The following SRGAP3 variants were observed in gnomAD, a reference collection of about 807,000 sequenced individuals.
The protein encoded by SRGAP3 is SLIT-ROBO Rho GTPase-activating protein 3.
In SRGAP3, 39 loss-of-function variants were observed where a neutral mutation model predicts 121.1. The ratio of observed to expected loss-of-function variants is 0.32; its 90% CI spans 0.25 to 0.42. SRGAP3 has a LOEUF of 0.42. Among genes scored for constraint, SRGAP3 ranks in the 10% least tolerant of loss-of-function variants. The probability of loss-of-function intolerance (pLI) is 1.00; values close to 1 mark genes in which losing one functional copy is unlikely to be tolerated. For synonymous variants in SRGAP3, 601 were observed against 570.0 expected, an observed-to-expected ratio of 1.05 and a Z score of -0.77; for missense variants, 1,213 against 1,470.6, an observed-to-expected ratio of 0.82 and a Z score of 2.86.
intron 3 of SRGAP3, among the ~76,000 whole-genome samples, chr3:9,288,317 T>C (rs1459228159): frequency 6.6e-6 from 1 of 151,752 alleles, no homozygotes; most frequent in South Asian, 2.1e-4. Context: ...TTCATATTTT[T>C]AGTAGAGACG....
chr3:9,301,431 T>C (rs568750991), intron 3 of SRGAP3, among the ~76,000 whole-genome samples: 6 of 152,176 alleles, frequency 3.9e-5, no homozygotes, highest in Non-Finnish European at 8.8e-5. Context: ...ATGGCTAACT[T>C]AGCTTTAATG....
At chr3:9,346,705 G>A (rs1049841518) in intron 1 of SRGAP3, among the ~76,000 whole-genome samples, 1 of 151,326 alleles carries the variant, frequency 6.6e-6, no homozygotes, top group Non-Finnish European at 1.5e-5. Flanking sequence ...AAGATGATCA[G>A]ATGTTTCAAG....
chr3:9,315,360 A>G (rs1477647967), intron 3 of SRGAP3, among the ~76,000 whole-genome samples: 1 of 152,080 alleles, frequency 6.6e-6, no homozygotes, highest in African/African-American at 2.4e-5. Context: ...CCCTCCTTAA[A>G]CCAATCACTC....
chr3:9,085,984 A>G (rs1947451654), intron 3 of SRGAP3, among the ~76,000 whole-genome samples: 1 of 152,204 alleles, frequency 6.6e-6, no homozygotes, highest in African/African-American at 2.4e-5. Context: ...AAATTTTAAA[A>G]AAGCTCCCCA....
chr3:9,168,006 A>T (rs1187716072), intron 1 of SRGAP3, among the ~76,000 whole-genome samples: 4 of 152,190 alleles, frequency 2.6e-5, no homozygotes, highest in Non-Finnish European at 4.4e-5. Flanking sequence ...TTTCACAGAC[A>T]TTAGCTCCTT....
At position 9,258,837 on chromosome 3, in the gene SRGAP3, C is replaced by G. The variant is rs1274681925; in HGVS notation, n.442+67173G>C. Among the ~76,000 whole-genome samples the G allele has an allele frequency of 3.9e-5, 6 of 152,208 alleles. No individual in the cohort carries two copies. In the East Asian group the frequency reaches 1.2e-3, roughly 29 times the overall value. On this transcript the variant is annotated intron_variant and non_coding_transcript_variant, in intron 3 of 3. Transcript: ENST00000490889. The stretch of plus-strand genomic sequence containing the variant: ...CAGCTTTAGAGCTCCCTGCTGGTCC[C>G]TCTGTCTCTGATCGTGCCTCCCTCC...
chr3:9,072,158 T>C (rs1946752886), intron 4 of SRGAP3, among the ~76,000 whole-genome samples: 1 of 152,188 alleles, frequency 6.6e-6, no homozygotes, highest in African/African-American at 2.4e-5. Flanking sequence ...TCAGGAGCAG[T>C]GCTGACTGGG....
At chr3:9,134,945 C>T (rs1426761379) in intron 1 of SRGAP3, among the ~76,000 whole-genome samples, 1 of 152,186 alleles carries the variant, frequency 6.6e-6, no homozygotes, top group Non-Finnish European at 1.5e-5. Context: ...TTTCCTCTGT[C>T]AAATGGGGAT....
At chr3:9,186,593 T>C (rs1201915501) in intron 1 of SRGAP3, among the ~76,000 whole-genome samples, 1 of 152,132 alleles carries the variant, frequency 6.6e-6, no homozygotes, top group Non-Finnish European at 1.5e-5. Context: ...TCGCCCATCT[T>C]GTAGATAGGG....
intron 18 of SRGAP3, among the ~76,000 whole-genome samples, chr3:9,002,251 T>C (rs948195373): frequency 6.6e-6 from 1 of 152,286 alleles, no homozygotes; most frequent in Middle Eastern, 3.4e-3. Context: ...ATTTCTTCTA[T>C]AGAAGAAGTT....
At chr3:9,174,682 C>T (rs1049231200) in intron 1 of SRGAP3, among the ~76,000 whole-genome samples, 1 of 152,204 alleles carries the variant, frequency 6.6e-6, no homozygotes, top group African/African-American at 2.4e-5. Context: ...TGACCTTGCC[C>T]GTTCTCACCA....
At chr3:9,306,381 G>A (rs1301892095) in intron 3 of SRGAP3, among the ~76,000 whole-genome samples, 1 of 152,062 alleles carries the variant, frequency 6.6e-6, no homozygotes, top group Non-Finnish European at 1.5e-5. Context: ...CACTCTGATG[G>A]TACTTTCTTT....
chr3:9,347,468 C>A (rs985078396), intron 1 of SRGAP3, among the ~76,000 whole-genome samples: 2 of 152,168 alleles, frequency 1.3e-5, no homozygotes, highest in Non-Finnish European at 2.9e-5. Context: ...ATCAGCAGGG[C>A]TACGAGGTCT....
chr3:9,093,024 T>C (rs1428816064), intron 3 of SRGAP3, among the ~76,000 whole-genome samples: 1 of 152,148 alleles, frequency 6.6e-6, no homozygotes, highest in Non-Finnish European at 1.5e-5. Context: ...GAGGGTAAGA[T>C]GAGAGCCTGC....
chr3:9,115,198 T>C (rs73019306), intron 2 of SRGAP3, among the ~76,000 whole-genome samples: 10,350 of 152,200 alleles, frequency 0.068, 404 homozygotes, highest in African/African-American at 0.083. Flanking sequence ...ACACCTTCCT[T>C]GACTCCTTCA....
intron 3 of SRGAP3, among the ~76,000 whole-genome samples, chr3:9,276,339 G>A (rs1574964860): frequency 1.3e-5 from 2 of 152,000 alleles, no homozygotes; most frequent in South Asian, 4.2e-4. Context: ...TAATTCCTGA[G>A]CCCACCTGTC....
At chr3:9,071,791 T>C (rs1215156942) in intron 4 of SRGAP3, among the ~76,000 whole-genome samples, 1 of 151,966 alleles carries the variant, frequency 6.6e-6, no homozygotes, top group African/African-American at 2.4e-5. Context: ...AGTGAGTATA[T>C]TGGCGGGGAG....
At chr3:9,064,320 A>C in intron 5 of SRGAP3, 76 bp downstream of exon 5, 1 of 1,599,148 alleles carries the variant, frequency 6.3e-7, no homozygotes, top group Non-Finnish European at 8.6e-7. Flanking sequence ...GGGAAGGCTA[A>C]GGCTGTCCGC....
At chr3:9,325,688 G>A (rs1451981516) in intron 3 of SRGAP3, among the ~76,000 whole-genome samples, 1 of 151,920 alleles carries the variant, frequency 6.6e-6, no homozygotes, top group Non-Finnish European at 1.5e-5. Context: ...GTTAAGAGGT[G>A]TTTTGACTGA....
Sources: gnomAD v4.1 joint callset for allele counts (sites outside exome capture counted in the v4.1 genomes callset) on GRCh38, gnomAD v4.1.1 for gene constraint, MANE v1.5 for transcripts, NCBI Gene and HGNC (gene_info 2026-07-23, HGNC 2026-07-21) for gene names.